The following CDH26 variants were observed in gnomAD, a reference collection of about 807,000 sequenced individuals.
CDH26 encodes the protein cadherin 26.
Under a neutral mutation model 90.3 loss-of-function variants are expected in CDH26, and 83 were observed. The ratio of observed to expected loss-of-function variants is 0.92; its 90% CI spans 0.77 to 1.10. The LOEUF is 1.10. Among genes scored for constraint, CDH26 ranks in the 50% least tolerant of loss-of-function variants. CDH26 has a pLI of 0.00. For synonymous variants in CDH26, 397 were observed against 396.3 expected (o/e 1.00, Z -0.02); for missense variants, 1,013 against 1,037.6 (o/e 0.98, Z 0.33).
chr20:60,035,841 G>A (rs1212249045), downstream of CDH26, among the ~76,000 whole-genome samples: 2 of 151,914 alleles, frequency 1.3e-5, no homozygotes, highest in African/African-American at 2.4e-5. Context: ...AGAAGAGCAT[G>A]TTTGCTTCCC....
In CDH26 at chr20:59,972,120, C is replaced by T. The variant is rs2061270287; in HGVS notation, c.390C>T (p.Phe130=). Residue 130 remains phenylalanine (F), a synonymous_variant, in exon 4 of 18, where the codon TTC becomes TTT. Coordinates refer to ENST00000348616, the MANE Select transcript of CDH26 (RefSeq NM_177980.4). ...TCGATCGAGAAATGACACCATCTTT[C>T]ACGGTATCTAAAACTTGATATATTC... ...RPVDREMTPS[F]TVYFDVVERS... is the part of the protein sequence containing the mutation. 1 of 1,613,260 alleles carries T rather than the reference C, an allele frequency of 6.2e-7. No homozygotes were observed.
intron 1 of CDH26, among the ~76,000 whole-genome samples, chr20:59,967,057 C>T (rs753700793): frequency 5.3e-5 from 8 of 151,690 alleles, no homozygotes; most frequent in African/African-American, 1.2e-4. Flanking sequence ...AATCCAAAAC[C>T]ATAAAAATTA....
intron 17 of CDH26, among the ~76,000 whole-genome samples, chr20:60,012,081 T>C (rs1219729495): frequency 6.6e-6 from 1 of 151,638 alleles, no homozygotes; most frequent in Admixed American, 6.6e-5. Context: ...GATTGAAGGA[T>C]AGACCTGAGC....
Position 60,030,122 on chromosome 20 carries a change from G to T in CDH26, c.948-1109G>T, listed in dbSNP as rs1378991333. On this transcript the variant is annotated intron_variant, in intron 7 of 8. Coordinates refer to the CDH26 transcript ENST00000370991. The surrounding 1 kb of genome is among the most constrained non-coding windows in gnomAD (Gnocchi z 4.0). Reference sequence around the variant, plus strand: ...TAACTGATATGTTAATATAAAAAAAGACATATATTGAATATCTACAATCTG... The same window carrying T: ...TAACTGATATGTTAATATAAAAAAATACATATATTGAATATCTACAATCTG... Among the ~76,000 whole-genome samples, 3 of 152,126 alleles carry T rather than the reference G, an allele frequency of 2.0e-5. No individual in the cohort carries two copies. Among genetic ancestry groups the T allele is most frequent in the African/African-American group, 4.8e-5 (2 of 41,416 alleles).
chr20:60,020,263 A>G (rs969957273), intron 7 of CDH26, among the ~76,000 whole-genome samples: 11 of 152,216 alleles, frequency 7.2e-5, no homozygotes, highest in African/African-American at 2.7e-4. Flanking sequence ...CCTCTTGGCC[A>G]GCCTGGAAGG....
chr20:59,965,380 A>G (rs2061134826), intron 1 of CDH26, among the ~76,000 whole-genome samples: 1 of 152,244 alleles, frequency 6.6e-6, no homozygotes, highest in African/African-American at 2.4e-5. Flanking sequence ...TGCTGATACC[A>G]TGATAGCTAT....
At chr20:59,996,299 G>A in intron 12 of CDH26, 3 of 1,302,068 alleles carry the variant, frequency 2.3e-6, no homozygotes, top group Non-Finnish European at 3.1e-6. Context: ...ATATAGTCAA[G>A]GAGTGGCCCT....
intron 16 of CDH26, among the ~76,000 whole-genome samples, chr20:60,004,868 G>C (rs779574661): frequency 1.9e-4 from 29 of 150,036 alleles, no homozygotes; most frequent in Non-Finnish European, 3.3e-4. Flanking sequence ...TTATATATAC[G>C]GCCTGTCATT....
Position 59,989,002 on chromosome 20 carries a change from A to G in CDH26, c.1122A>G (p.Pro374=). 1 of 1,614,212 alleles carries G rather than the reference A, an allele frequency of 6.2e-7. No individual in the cohort carries two copies. Among genetic ancestry groups the G allele is most frequent in the Non-Finnish European group, 8.5e-7 (1 of 1,180,046 alleles). ...VFCERGKLQP[P]RKAAASATVS... The stretch of plus-strand genomic sequence containing the variant: ...GTGAGAGAGGAAAGCTTCAGCCGCC[A>G]AGGAAGGCAGCAGCCAGCGCCACTG... Residue 374 remains proline (P), a synonymous_variant, in exon 9 of 18, where the codon CCA becomes CCG. Coordinates refer to ENST00000348616, the MANE Select transcript of CDH26 (RefSeq NM_177980.4).
intron 17 of CDH26, among the ~76,000 whole-genome samples, chr20:60,010,513 A>C (rs1464459964): frequency 1.3e-5 from 2 of 151,136 alleles, no homozygotes; most frequent in African/African-American, 2.4e-5. Flanking sequence ...CCTCCCCTCC[A>C]CTCCCCTATT....
intron 7 of CDH26, among the ~76,000 whole-genome samples, chr20:60,021,713 T>C (rs1470991015): frequency 2.6e-5 from 4 of 152,002 alleles, no homozygotes; most frequent in Non-Finnish European, 5.9e-5. Context: ...AAAATATTCA[T>C]GCAATACTCA....
downstream of CDH26, among the ~76,000 whole-genome samples, chr20:60,017,150 C>G (rs1217067243): frequency 6.6e-6 from 1 of 151,956 alleles, no homozygotes; most frequent in African/African-American, 2.4e-5. Context: ...GAAGAGCTAT[C>G]TCTACTTGTT....
intron 13 of CDH26, among the ~76,000 whole-genome samples, chr20:59,998,929 C>T (rs901307300): frequency 3.9e-5 from 6 of 152,186 alleles, no homozygotes; most frequent in South Asian, 2.1e-4. Context: ...GCACTTATCC[C>T]TCTGTCCATC....
At chr20:59,990,423 C>G (rs1424931116) in intron 9 of CDH26, among the ~76,000 whole-genome samples, 1 of 152,126 alleles carries the variant, frequency 6.6e-6, no homozygotes, top group Non-Finnish European at 1.5e-5. Flanking sequence ...GCAGTTGGCC[C>G]CAGACCCCAT....
chr20:59,994,353 T>C lies in CDH26; in HGVS notation c.1530T>C (p.Cys510=). 6.2e-7 allele frequency: 1 copy of C among 1,613,968 alleles called. No individual in the cohort carries two copies. The highest frequency in any genetic ancestry group is 1.1e-5 in the South Asian group (1 of 91,082). ...CACGTTCCCGCTACATGGAGGTCTG[T>C]GAGTCTGCTGTGCATGAGCCCCTCC... ...LRPRSRYMEV[C]ESAVHEPLHI... is the part of the protein sequence containing the mutation. Residue 510 remains cysteine, a synonymous_variant, in exon 11 of 18, where the codon TGT becomes TGC. Coordinates refer to ENST00000348616, the MANE Select transcript of CDH26 (RefSeq NM_177980.4).
intron 11 of CDH26, 78 bp downstream of exon 11, chr20:59,994,567 A>G: frequency 1.9e-6 from 3 of 1,551,222 alleles, no homozygotes; most frequent in South Asian, 1.2e-5. Flanking sequence ...GCAAAAAAGG[A>G]CTTTATTAGC....
chr20:59,961,856 C>T (rs1025023503), intron 1 of CDH26, among the ~76,000 whole-genome samples: 1 of 152,162 alleles, frequency 6.6e-6, no homozygotes, highest in African/African-American at 2.4e-5. Context: ...GGGGCTGTGG[C>T]AGGCTTCAAA....
At chr20:60,005,476 A>ATATG (rs1421278864) in intron 16 of CDH26, among the ~76,000 whole-genome samples, 1 of 138,274 alleles carries the variant, frequency 7.2e-6, no homozygotes, top group African/African-American at 3.0e-5. Flanking sequence ...ATGTGTATAT[A>ATATG]TCTGTATGTA....
intron 14 of CDH26, 104 bp downstream of exon 14, chr20:59,999,767 G>T (rs1262109621): frequency 1.9e-6 from 2 of 1,056,726 alleles, no homozygotes; most frequent in African/African-American, 1.6e-5. Flanking sequence ...CACATCCAGG[G>T]AGGTTCTTCT....
Sources: gnomAD v4.1 joint callset for allele counts (sites outside exome capture counted in the v4.1 genomes callset) on GRCh38, gnomAD v4.1.1 for gene constraint, Gnocchi (gnomAD v3.1) non-coding constraint, MANE v1.5 for transcripts, NCBI Gene and HGNC (gene_info 2026-07-23, HGNC 2026-07-21) for gene names.